Variants in BTAF1 observed in about 807,000 individuals in gnomAD.
BTAF1 encodes TATA-binding protein-associated factor 172.
In BTAF1, 38 loss-of-function variants were observed where a neutral mutation model predicts 227.1. The observed-to-expected ratio is 0.17, with a 90% CI of 0.13 to 0.22. The LOEUF (loss-of-function observed/expected upper bound fraction) is 0.22. BTAF1 is among the 10% of genes least tolerant of loss of function. The pLI is 1.00. For missense variants in BTAF1, 1,598 were observed against 2,204.0 expected (o/e 0.73, Z 5.51); for synonymous variants, 742 against 751.9 (o/e 0.99, Z 0.21).
chr10:91,968,727 C>T (rs1219936726), intron 14 of BTAF1, among the ~76,000 whole-genome samples: 1 of 152,122 alleles, frequency 6.6e-6, no homozygotes, highest in Non-Finnish European at 1.5e-5. Flanking sequence ...GGGTTTTAGC[C>T]ATTCTTATAA....
intron 14 of BTAF1, among the ~76,000 whole-genome samples, chr10:91,972,014 A>G (rs1163297880): frequency 6.6e-6 from 1 of 152,172 alleles, no homozygotes; most frequent in Admixed American, 6.5e-5. Flanking sequence ...CTGTGTATTC[A>G]TAAAAATTAT....
chr10:92,017,037 C>T (rs1850790094), intron 33 of BTAF1, among the ~76,000 whole-genome samples: 1 of 152,112 alleles, frequency 6.6e-6, no homozygotes, highest in Non-Finnish European at 1.5e-5. Context: ...AATATTAGAA[C>T]ACCTACTACA....
Position 91,924,007 on chromosome 10 carries a change from C to A in BTAF1, c.-70C>A. 3 of 1,572,970 alleles carry A rather than the reference C, an allele frequency of 1.9e-6. No homozygotes were observed. The highest frequency in any genetic ancestry group is 2.3e-5 in the East Asian group (1 of 42,776). On this transcript the variant is annotated 5_prime_UTR_variant, in exon 1 of 38. Transcript: ENST00000265990. ...CGGCCTGGGCCTGCGCCGCTCAGCT[C>A]TCTGGAAACTAGCGCCTCAGCTGCG...
intron 14 of BTAF1, among the ~76,000 whole-genome samples, chr10:91,976,042 A>G (rs1589854303): frequency 6.6e-6 from 1 of 152,320 alleles, no homozygotes; most frequent in Admixed American, 6.5e-5. Context: ...CAAGTGTTGG[A>G]CCTTCCGTAC....
chr10:91,996,668 AC>A, intron 24 of BTAF1, 98 bp downstream of exon 24: 1 of 1,179,764 alleles, frequency 8.5e-7, no homozygotes, highest in Non-Finnish European at 1.2e-6. Flanking sequence ...CACATAAATA[AC>A]CTGCCTTGTT....
chr10:91,994,101 G>A (rs930244551), intron 22 of BTAF1, among the ~76,000 whole-genome samples: 2 of 152,096 alleles, frequency 1.3e-5, no homozygotes, highest in Non-Finnish European at 2.9e-5. Flanking sequence ...ATCACTTGAG[G>A]TCAGGAGTTT....
At chr10:91,967,177 C>T (rs751506438) in intron 14 of BTAF1, among the ~76,000 whole-genome samples, 22 of 152,136 alleles carry the variant, frequency 1.4e-4, no homozygotes, top group Non-Finnish European at 2.9e-4. Context: ...CCAAGGAATT[C>T]CCAGGCTCTT....
intron 4 of BTAF1, among the ~76,000 whole-genome samples, chr10:91,944,552 G>T (rs1845232075): frequency 6.6e-6 from 1 of 152,090 alleles, no homozygotes; most frequent in Non-Finnish European, 1.5e-5. Context: ...TTTTCAAGCA[G>T]CTTTATTGAG....
At chr10:92,007,003 T>A (rs1589949955) in intron 25 of BTAF1, among the ~76,000 whole-genome samples, 1 of 151,942 alleles carries the variant, frequency 6.6e-6, no homozygotes, top group East Asian at 1.9e-4. Flanking sequence ...CTACTGAGTT[T>A]GTCAAGGAAA....
intron 5 of BTAF1, 53 bp downstream of exon 5, chr10:91,951,619 T>A (rs1845768436): frequency 1.3e-6 from 2 of 1,498,170 alleles, no homozygotes; most frequent in Non-Finnish European, 1.8e-6. Flanking sequence ...AAGGGTTTGC[T>A]TCATTTTGTT....
intron 23 of BTAF1, among the ~76,000 whole-genome samples, chr10:91,995,699 A>G (rs897940210): frequency 1.3e-5 from 2 of 152,138 alleles, no homozygotes; most frequent in Admixed American, 6.6e-5. Flanking sequence ...AGGAAAAAAA[A>G]AAGTAGAGTC....
intron 19 of BTAF1, among the ~76,000 whole-genome samples, chr10:91,988,826 G>A (rs1848572190): frequency 3.3e-5 from 5 of 152,184 alleles, no homozygotes; most frequent in South Asian, 2.1e-4. Context: ...ATATTTGCCT[G>A]TAGCTTTCTT....
At chr10:91,947,167 T>A (rs1326698459) in intron 4 of BTAF1, among the ~76,000 whole-genome samples, 1 of 152,208 alleles carries the variant, frequency 6.6e-6, no homozygotes, top group Non-Finnish European at 1.5e-5. Context: ...TTTCTACTGC[T>A]CTATAGGTTA....
intron 34 of BTAF1, among the ~76,000 whole-genome samples, 194 bp downstream of exon 34, chr10:92,019,129 G>A (rs1202341551): frequency 6.6e-6 from 1 of 152,100 alleles, no homozygotes; most frequent in Non-Finnish European, 1.5e-5. Flanking sequence ...ACCATTTTAA[G>A]TGTGTAAATC....
At chr10:91,954,159 C>T (rs553477292) in intron 6 of BTAF1, among the ~76,000 whole-genome samples, 1 of 152,040 alleles carries the variant, frequency 6.6e-6, no homozygotes, top group Non-Finnish European at 1.5e-5. Flanking sequence ...AGTTTAAATG[C>T]CTTAAACATG....
chr10:92,005,707 T>A (rs1230452872), intron 25 of BTAF1, among the ~76,000 whole-genome samples: 2 of 152,172 alleles, frequency 1.3e-5, no homozygotes, highest in Non-Finnish European at 2.9e-5. Context: ...ATACTAAAAC[T>A]GGGAAATTTT....
At chr10:91,999,714 G>T (rs1053785685) in intron 25 of BTAF1, among the ~76,000 whole-genome samples, 6 of 152,146 alleles carry the variant, frequency 3.9e-5, no homozygotes, top group African/African-American at 1.4e-4. Context: ...ATCATTTATA[G>T]TAGTCTGAAA....
rs771118743 is a variant in BTAF1 at position 91,939,960 on chromosome 10, A to G, written c.147A>G (p.Ile49Met). ...ATTTTATAATTTTTAAGGTGTTGAT[A>G]TATTTAAGGAGTGCAAATTGGGATA... The part of the protein sequence containing the change: ...ELNNLLSKVL[I>M]YLRSANWDTR... Residue 49 changes from isoleucine to methionine, a missense_variant, in exon 3 of 38, where the codon ATA becomes ATG. Ile to Met is a conservative substitution (Grantham distance 10). Around this residue, in one of 10 missense-constraint regions of BTAF1, gnomAD observed 298 missense variants for 395.2 expected, o/e 0.75. Transcript: ENST00000265990. 2.7e-5 allele frequency: 43 copies of G among 1,606,816 alleles called. 1 individual carries two copies. The Middle Eastern group carries it at 5.4e-3, about 204-fold the overall frequency.
intron 3 of BTAF1, 120 bp from the exon 4 acceptor site, chr10:91,942,302 G>GTGTT: frequency 1.0e-5 from 1 of 99,768 alleles, no homozygotes; most frequent in Non-Finnish European, 2.2e-5. Flanking sequence ...AAAAGTTTGT[G>GTGTT]TGTGTGTGTG....
Sources: gnomAD v4.1 joint callset for allele counts (sites outside exome capture counted in the v4.1 genomes callset) on GRCh38, gnomAD v4.1.1 for gene constraint, gnomAD v4.1.1 regional missense constraint, MANE v1.5 for transcripts, NCBI Gene and HGNC (gene_info 2026-07-23, HGNC 2026-07-21) for gene names.